Variants in ATP9B observed in about 807,000 individuals in gnomAD.
ATP9B encodes ATPase phospholipid transporting 9B, also known as probable phospholipid-transporting ATPase IIB.
ATP9B carries 110 observed loss-of-function variants against 146.1 expected under a neutral mutation model. That is an observed-to-expected ratio of 0.75 (90% CI 0.65 to 0.88). ATP9B has a LOEUF of 0.88. Among genes scored for constraint, ATP9B ranks in the 40% least tolerant of loss-of-function variants. The probability of loss-of-function intolerance (pLI) is 0.00; values close to 1 mark genes in which losing one functional copy is unlikely to be tolerated. For synonymous variants in ATP9B, 604 were observed against 569.7 expected, an observed-to-expected ratio of 1.06 and a Z score of -0.86; for missense variants, 1,499 against 1,496.4, an observed-to-expected ratio of 1.00 and a Z score of -0.03.
rs576008689 is a variant in ATP9B, at chr18:79,204,217, G to A, written c.955-2720G>A. On this transcript the variant is annotated intron_variant, in intron 9 of 29. Transcript: ENST00000426216. ...TGTGGAAAAAACAAGAACAGTGTTG[G>A]AAAATTAAGTACTTGAATGTTCTTC... Among the ~76,000 whole-genome samples, 15 of 152,314 alleles carry A rather than the reference G, an allele frequency of 9.8e-5. No homozygotes were observed. In the South Asian group the frequency reaches 3.1e-3, roughly 32 times the overall value.
intron 5 of ATP9B, among the ~76,000 whole-genome samples, chr18:79,127,699 G>A (rs9956327): frequency 0.25 from 37,975 of 152,066 alleles, 5,074 homozygotes; most frequent in East Asian, 0.5. Flanking sequence ...TGTGAATATT[G>A]TTTTCATTTA....
intron 13 of ATP9B, among the ~76,000 whole-genome samples, chr18:79,286,223 CATG>C (rs1322744790): frequency 2.0e-5 from 3 of 152,074 alleles, no homozygotes; most frequent in Non-Finnish European, 4.4e-5. Flanking sequence ...CGGCCATTTT[CATG>C]ATATTGATTC....
At chr18:79,206,623 C>A (rs200530233) in intron 9 of ATP9B, among the ~76,000 whole-genome samples, 3 of 147,006 alleles carry the variant, frequency 2.0e-5, no homozygotes, top group South Asian at 2.2e-4. Flanking sequence ...AATAACACCT[C>A]ATAAATAAAT....
intron 7 of ATP9B, among the ~76,000 whole-genome samples, chr18:79,156,559 A>G (rs904662016): frequency 1.3e-5 from 2 of 152,154 alleles, no homozygotes; most frequent in Non-Finnish European, 2.9e-5. Flanking sequence ...TATATAAACT[A>G]TTGTTAAGCA....
rs1329003225 is a variant in ATP9B, at chr18:79,307,110, T to C, written c.1649T>C (p.Leu550Pro). 4.3e-6 allele frequency: 7 copies of C among 1,614,250 alleles called. No individual in the cohort carries two copies. Among genetic ancestry groups the C allele is most frequent in the East Asian group, 2.2e-5 (1 of 44,884 alleles). ...CATGAAGCCGTGAAAGCCATCGTGC[T>C]GTGTCACAACGTGACCCCCGTGTAT... ...RIHEAVKAIV[L>P]CHNVTPVYES... Residue 550 changes from leucine (L) to proline (P), a missense_variant, in exon 15 of 30, where the codon CTG (leucine) becomes CCG (proline). By Grantham distance (98) the Leu-to-Pro change is moderately conservative. Coordinates refer to ENST00000426216, the MANE Select transcript of ATP9B (RefSeq NM_198531.5).
chr18:79,326,866 G>A (rs1020471740), intron 15 of ATP9B, among the ~76,000 whole-genome samples: 2 of 151,544 alleles, frequency 1.3e-5, no homozygotes, highest in South Asian at 2.1e-4. Flanking sequence ...GCCTCCCTGT[G>A]CTGACTGTCC....
At position 79,096,219 on chromosome 18, in the gene ATP9B, G is replaced by T. The variant is rs563308784; in HGVS notation, c.120-257G>T. Reference sequence around the variant, plus strand: ...GGTTGTGCTGTCAGGCTGCCCATCCGCACCACAGATGCCTCCAGGATTATG... The same window carrying T: ...GGTTGTGCTGTCAGGCTGCCCATCCTCACCACAGATGCCTCCAGGATTATG... On this transcript the variant is annotated intron_variant, in intron 1 of 29. Transcript: ENST00000426216. 6.6e-6 allele frequency among the ~76,000 whole-genome samples: 1 copy of T among 152,104 alleles called. No individual in the cohort carries two copies. Among genetic ancestry groups the T allele is most frequent in the African/African-American group, 2.4e-5 (1 of 41,418 alleles).
chr18:79,144,074 T>A (rs144227577), intron 6 of ATP9B: 1 of 362,528 alleles, frequency 2.8e-6, no homozygotes, highest in Non-Finnish European at 4.9e-6. Flanking sequence ...AGTCATATTT[T>A]TTCTGAAATA....
chr18:79,188,292 T>G (rs2148078469), intron 8 of ATP9B, among the ~76,000 whole-genome samples: 1 of 152,314 alleles, frequency 6.6e-6, no homozygotes, highest in South Asian at 2.1e-4. Flanking sequence ...GTTGCTGAAA[T>G]TTTAAAAAAG....
chr18:79,202,624 T>G (rs1209751259), intron 9 of ATP9B, among the ~76,000 whole-genome samples: 2 of 152,242 alleles, frequency 1.3e-5, no homozygotes, highest in Admixed American at 6.5e-5. Context: ...TAGAACATTT[T>G]AGAGATAATT....
intron 1 of ATP9B, 131 bp downstream of exon 1, chr18:79,069,660 G>A (rs1453796040): frequency 9.1e-6 from 5 of 547,112 alleles, no homozygotes; most frequent in Middle Eastern, 5.3e-4. Context: ...GGAGCCGGGA[G>A]TCCTTGGCGT....
Position 79,069,476 on chromosome 18 carries a change from C to T in ATP9B, c.66C>T (p.Arg22=), listed in dbSNP as rs1199030579. The stretch of plus-strand genomic sequence containing the variant: ...CGGCGGCCGCAGCCAACCGCAAACG[C>T]GCGGCCTACTACAGCGCCGCGGGGC... The part of the protein sequence containing the change: ...SAAAAAANRK[R]AAYYSAAGPR... The change falls in exon 1 of 30, where the codon CGC becomes CGT. Residue 22 remains arginine (R), a synonymous_variant. Coordinates refer to ENST00000426216, the MANE Select transcript of ATP9B (RefSeq NM_198531.5). 6.0e-6 allele frequency: 9 copies of T among 1,502,300 alleles called. No individual in the cohort carries two copies. The highest frequency in any genetic ancestry group is 1.3e-5 in the South Asian group (1 of 79,104). 93.1% of individuals were successfully genotyped at this position (1,502,300 alleles called of 1,614,324 possible).
chr18:79,098,992 A>T (rs1184588932), intron 2 of ATP9B, among the ~76,000 whole-genome samples: 1 of 152,152 alleles, frequency 6.6e-6, no homozygotes, highest in Admixed American at 6.5e-5. Flanking sequence ...AAGTGATGCT[A>T]TGGCCTTCTC....
chr18:79,136,204 C>A (rs1186063957), intron 5 of ATP9B, among the ~76,000 whole-genome samples: 2 of 152,140 alleles, frequency 1.3e-5, no homozygotes, highest in African/African-American at 4.8e-5. Flanking sequence ...TACAAAAAAG[C>A]CTTCTGCAGT....
chr18:79,167,777 A>G (rs987058499), intron 7 of ATP9B, among the ~76,000 whole-genome samples: 4 of 152,210 alleles, frequency 2.6e-5, no homozygotes, highest in Non-Finnish European at 4.4e-5. Flanking sequence ...GGGAACTGGC[A>G]GCCCGGCCCC....
intron 10 of ATP9B, among the ~76,000 whole-genome samples, chr18:79,211,359 A>G (rs1170736264): frequency 1.3e-5 from 2 of 152,238 alleles, no homozygotes; most frequent in Non-Finnish European, 2.9e-5. Flanking sequence ...AGTAACTAAC[A>G]GAGTAATTAT....
Position 79,375,404 on chromosome 18 carries a change from AGT to A in ATP9B, c.3288_3289del (p.Ser1097PhefsTer144). Reference protein sequence around the residue: ...FLNEYFGIGRVSFGAFLDVAF... With the variant: ...FLNEYFGIGRXSFGAFLDVAF... ...ACTGTTTTGGAACAGGTATAGGCAG[AGT>A]GTCTTTTGGAGCTTTCTTAGGTAGG... On this transcript the variant is annotated frameshift_variant, in exon 29 of 30. Coordinates refer to ENST00000426216, the MANE Select transcript of ATP9B (RefSeq NM_198531.5). LOFTEE classifies it high-confidence loss of function. 6.2e-7 allele frequency: 1 copy of A among 1,612,808 alleles called. No individual in the cohort carries two copies. The highest frequency in any genetic ancestry group is 8.5e-7 in the Non-Finnish European group (1 of 1,178,824).
chr18:79,182,581 A>G (rs1301265092), intron 8 of ATP9B, among the ~76,000 whole-genome samples: 1 of 152,098 alleles, frequency 6.6e-6, no homozygotes, highest in Non-Finnish European at 1.5e-5. Context: ...CACTGTATCT[A>G]GTGTCTGAAA....
intron 7 of ATP9B, among the ~76,000 whole-genome samples, chr18:79,173,947 G>A (rs1600164162): frequency 1.3e-5 from 2 of 152,200 alleles, no homozygotes; most frequent in South Asian, 2.1e-4. Flanking sequence ...TGGGTGGCCG[G>A]GTTCTTCATT....
Sources: gnomAD v4.1 joint callset for allele counts (sites outside exome capture counted in the v4.1 genomes callset) on GRCh38, gnomAD v4.1.1 for gene constraint, MANE v1.5 for transcripts, NCBI Gene and HGNC (gene_info 2026-07-23, HGNC 2026-07-21) for gene names.